The following ZNF880 variants were observed in gnomAD, a reference collection of about 807,000 sequenced individuals.
ZNF880 encodes the protein zinc finger protein LOC400713.
In ZNF880, 12 loss-of-function variants were observed where a neutral mutation model predicts 11.8. The ratio of observed to expected loss-of-function variants is 1.02; its 90% CI spans 0.65 to 1.65. The LOEUF is 1.65. Ranked by LOEUF, ZNF880 falls within the 40% of genes most tolerant of loss-of-function variation. ZNF880 has a pLI of 0.00. For synonymous variants in ZNF880, 210 were observed against 232.4 expected (o/e 0.90, Z 0.88); for missense variants, 601 against 673.9 (o/e 0.89, Z 1.20).
intron 1 of ZNF880, chr19:52,370,314 GCCTCGC>G: frequency 2.9e-6 from 1 of 346,554 alleles, no homozygotes; most frequent in South Asian, 4.3e-5. Flanking sequence ...GGTCCCCCAA[GCCTCGC>G]CCTCTTTTCA....
chr19:52,374,211 A>ATTTTTTTT (rs35732198), intron 2 of ZNF880, 88 bp from the exon 3 acceptor site: 2 of 987,748 alleles, frequency 2.0e-6, no homozygotes, highest in Non-Finnish European at 1.4e-6. Context: ...CGCCCCGCTA[A>ATTTTTTTT]TTTTTTTTTT....
the ZNF880 span, chr19:52,397,142 TAA>T: frequency 4.3e-5 from 4 of 93,818 alleles, no homozygotes; most frequent in African/African-American, 9.3e-5. Flanking sequence ...GCTATTTTTA[TAA>T]GTTACTGGCT....
At chr19:52,382,697 A>G (rs994835759) in intron 3 of ZNF880, among the ~76,000 whole-genome samples, 1 of 152,166 alleles carries the variant, frequency 6.6e-6, no homozygotes, top group African/African-American at 2.4e-5. Flanking sequence ...TGTTGCTGCT[A>G]TCAAGACTGT....
intron 1 of ZNF880, among the ~76,000 whole-genome samples, chr19:52,370,938 A>G (rs945975210): frequency 2.6e-5 from 4 of 152,160 alleles, no homozygotes; most frequent in African/African-American, 9.7e-5. Context: ...ACGAACAAAG[A>G]CAAATATCTA....
chr19:52,372,579 C>G (rs1378486300), intron 1 of ZNF880, among the ~76,000 whole-genome samples: 3 of 150,324 alleles, frequency 2.0e-5, no homozygotes, highest in Non-Finnish European at 4.4e-5. Flanking sequence ...TGAGCCACCG[C>G]GCCCGGCCTA....
chr19:52,376,235 C>T (rs1427782599), intron 3 of ZNF880, among the ~76,000 whole-genome samples: 2 of 152,118 alleles, frequency 1.3e-5, no homozygotes, highest in Non-Finnish European at 2.9e-5. Flanking sequence ...TTTAAGGAAT[C>T]TCCCCGCTGT....
chr19:52,369,874 C>G, upstream of ZNF880: 1 of 1,515,476 alleles, frequency 6.6e-7, no homozygotes, highest in South Asian at 1.2e-5. Context: ...GCAGGCTCCG[C>G]CCAATCCCAC....
chr19:52,394,917 C>T, the ZNF880 span: 5 of 152,460 alleles, frequency 3.3e-5, no homozygotes, highest in Non-Finnish European at 7.3e-5. Context: ...TCTGTCCCTT[C>T]GCATCCACCT....
downstream of ZNF880, among the ~76,000 whole-genome samples, chr19:52,387,688 A>G (rs540716550): frequency 2.8e-5 from 4 of 143,132 alleles, 1 homozygote; most frequent in South Asian, 6.5e-4. Flanking sequence ...AACTCAGGCA[A>G]TCTGCCTGCC....
chr19:52,375,552 G>A (rs1009338361), intron 3 of ZNF880, among the ~76,000 whole-genome samples: 2 of 151,980 alleles, frequency 1.3e-5, no homozygotes, highest in Admixed American at 6.6e-5. Context: ...ATTTGGTTAC[G>A]TAGATAAGTT....
downstream of ZNF880, chr19:52,389,736 C>T (rs1021146118): frequency 3.3e-5 from 5 of 152,284 alleles, no homozygotes; most frequent in Non-Finnish European, 7.3e-5. Context: ...TCCAACCCCA[C>T]ATTTTACTTC....
chr19:52,382,916 A>G (rs1366920481), intron 3 of ZNF880, among the ~76,000 whole-genome samples: 2 of 152,180 alleles, frequency 1.3e-5, no homozygotes, highest in Non-Finnish European at 2.9e-5. Flanking sequence ...AATAGTTTGT[A>G]TATTGTTCCA....
At chr19:52,374,211 ATT>A (rs35732198) in intron 2 of ZNF880, 86 bp from the exon 3 acceptor site, 1,969 of 974,840 alleles carry the variant, frequency 2.0e-3, no homozygotes, top group Non-Finnish European at 2.2e-3. Context: ...CGCCCCGCTA[ATT>A]TTTTTTTTTT....
At chr19:52,386,823 T>A (rs967840088), downstream of ZNF880, among the ~76,000 whole-genome samples, 213 of 99,370 alleles carry the variant, frequency 2.1e-3, 18 homozygotes, top group African/African-American at 5.7e-3. Context: ...AAAAAAAAAA[T>A]AGTGGTCATT....
At chr19:52,367,964 G>C (rs1281700364), upstream of ZNF880, among the ~76,000 whole-genome samples, 1 of 152,000 alleles carries the variant, frequency 6.6e-6, no homozygotes, top group South Asian at 2.1e-4. Flanking sequence ...ACTTTGGGAG[G>C]CTGCATTGGG....
At chr19:52,381,712 A>G (rs1208290462) in intron 3 of ZNF880, among the ~76,000 whole-genome samples, 1 of 152,064 alleles carries the variant, frequency 6.6e-6, no homozygotes. Flanking sequence ...CATCATAGTA[A>G]CATACTTGAA....
At chr19:52,375,902 G>A (rs1174568476) in intron 3 of ZNF880, among the ~76,000 whole-genome samples, 1 of 152,158 alleles carries the variant, frequency 6.6e-6, no homozygotes, top group African/African-American at 2.4e-5. Flanking sequence ...TTGAACTCCT[G>A]GCCTCAACTA....
At position 52,384,217 on chromosome 19, in the gene ZNF880, AAATGT is replaced by A; in HGVS notation, c.642_646del (p.Cys214Ter). 6.2e-7 allele frequency: 1 copy of A among 1,612,338 alleles called. No individual in the cohort carries two copies. Among genetic ancestry groups the A allele is most frequent in the Non-Finnish European group, 8.5e-7 (1 of 1,178,984 alleles). On this transcript the variant is annotated frameshift_variant, in exon 4 of 4. Coordinates refer to ENST00000422689, the MANE Select transcript of ZNF880 (RefSeq NM_001145434.2). LOFTEE classifies it low-confidence loss of function (END_TRUNC). ...AATCCACACTGCAGATAACCCTTACAAATGTAATGAATGTGACAAGGTCTTCAGTA... is the reference window on the plus strand; with the variant it reads ...AATCCACACTGCAGATAACCCTTACAAATGAATGTGACAAGGTCTTCAGTA...
At chr19:52,369,384 A>T (rs945397682), upstream of ZNF880, among the ~76,000 whole-genome samples, 2 of 147,434 alleles carry the variant, frequency 1.4e-5, no homozygotes, top group African/African-American at 5.0e-5. Context: ...AAAAAAAAAA[A>T]GGAAATTGCA....
Sources: gnomAD v4.1 joint callset for allele counts (sites outside exome capture counted in the v4.1 genomes callset) on GRCh38, gnomAD v4.1.1 for gene constraint, MANE v1.5 for transcripts, NCBI Gene and HGNC (gene_info 2026-07-23, HGNC 2026-07-21) for gene names.